Variants in ROBO1 observed in about 807,000 individuals in gnomAD.
The protein encoded by ROBO1 is roundabout guidance receptor 1.
In ROBO1, 149 loss-of-function variants were observed where a neutral mutation model predicts 195.9. The observed-to-expected ratio is 0.76, with a 90% CI of 0.67 to 0.87. The LOEUF (loss-of-function observed/expected upper bound fraction) is 0.87, where lower values mean the gene tolerates loss of function less well. ROBO1 is among the 40% of genes least tolerant of loss of function. The probability of loss-of-function intolerance (pLI) is 0.00; values close to 1 mark genes in which losing one functional copy is unlikely to be tolerated. For missense variants in ROBO1, 1,933 were observed against 2,068.3 expected, an observed-to-expected ratio of 0.93 and a Z score of 1.27; for synonymous variants, 816 against 733.2, an observed-to-expected ratio of 1.11 and a Z score of -1.82.
At chr3:79,650,376 TAATC>T (rs1471613535) in intron 1 of ROBO1, among the ~76,000 whole-genome samples, 4 of 151,754 alleles carry the variant, frequency 2.6e-5, no homozygotes, top group African/African-American at 7.2e-5. Context: ...GAAGAAATGA[TAATC>T]AATTTATAAC....
chr3:79,030,407 T>A (rs540176579), intron 3 of ROBO1, among the ~76,000 whole-genome samples: 1 of 152,316 alleles, frequency 6.6e-6, no homozygotes, highest in African/African-American at 2.4e-5. Context: ...ATGTCAATAG[T>A]ATCTAGACTG....
intron 2 of ROBO1, among the ~76,000 whole-genome samples, chr3:79,550,202 A>AAAGAAAGG (rs61662697): frequency 2.9e-5 from 3 of 103,094 alleles, no homozygotes; most frequent in African/African-American, 1.3e-4. Context: ...AAAGGAAAAG[A>AAAGAAAGG]AAAGAAAAGA....
chr3:79,025,384 T>G (rs2078184305), intron 3 of ROBO1, among the ~76,000 whole-genome samples: 1 of 152,182 alleles, frequency 6.6e-6, no homozygotes, highest in African/African-American at 2.4e-5. Context: ...ATACTATATA[T>G]ATTTTTTATT....
intron 21 of ROBO1, among the ~76,000 whole-genome samples, chr3:78,642,876 G>GA (rs1559686185): frequency 6.6e-6 from 1 of 151,814 alleles, no homozygotes; most frequent in Non-Finnish European, 1.5e-5. Flanking sequence ...TTTATCAGAG[G>GA]AAAAAATACA....
At chr3:79,604,402 T>C (rs993759266) in intron 1 of ROBO1, among the ~76,000 whole-genome samples, 1 of 152,058 alleles carries the variant, frequency 6.6e-6, no homozygotes. Context: ...TGAAATATTA[T>C]GAAGTGAAGT....
intron 2 of ROBO1, among the ~76,000 whole-genome samples, chr3:79,308,242 G>A (rs1267279841): frequency 6.6e-6 from 1 of 152,154 alleles, no homozygotes; most frequent in South Asian, 2.1e-4. Flanking sequence ...AAAGAGCATC[G>A]TACTAAGAAA....
Position 79,075,521 on chromosome 3 carries a change from G to T in ROBO1, c.172+49935C>A, listed in dbSNP as rs6771169. Among the ~76,000 whole-genome samples the T allele has an allele frequency of 5.5e-3, 840 of 152,010 alleles. 3 individuals carry two copies. The highest frequency in any genetic ancestry group is 0.014 in the Middle Eastern group (4 of 292). ...GGTTTTCTGGGGTCACACAAGTAAT[G>T]GTGTTTAGAGTAGGTAGATAAACTT... On this transcript the variant is annotated intron_variant, in intron 3 of 30. Coordinates refer to ENST00000464233, the MANE Select transcript of ROBO1 (RefSeq NM_002941.4).
chr3:79,044,789 T>C (rs1389601670), intron 3 of ROBO1, among the ~76,000 whole-genome samples: 3 of 152,064 alleles, frequency 2.0e-5, no homozygotes, highest in Middle Eastern at 3.2e-3. Context: ...CATTTTCTTT[T>C]TTTAAAAAAA....
intron 2 of ROBO1, among the ~76,000 whole-genome samples, chr3:79,568,590 C>T (rs1943169180): frequency 6.6e-6 from 1 of 150,418 alleles, no homozygotes; most frequent in Non-Finnish European, 1.5e-5. Context: ...TACTTTAGGA[C>T]AGTCTTTCAT....
intron 1 of ROBO1, among the ~76,000 whole-genome samples, chr3:79,744,480 G>A (rs1703784767): frequency 6.6e-6 from 1 of 152,108 alleles, no homozygotes; most frequent in Admixed American, 6.6e-5. Flanking sequence ...ATTAGGTCAT[G>A]GGGATGGAGT....
chr3:78,607,889 G>T (rs1471109478), intron 28 of ROBO1, among the ~76,000 whole-genome samples: 1 of 152,068 alleles, frequency 6.6e-6, no homozygotes, highest in Admixed American at 6.6e-5. Flanking sequence ...ATGGTTCAGT[G>T]TTCTTTATAT....
At chr3:79,445,481 G>GTTTTTTTTTTTTTTTT (rs34514488) in intron 2 of ROBO1, among the ~76,000 whole-genome samples, 1 of 85,718 alleles carries the variant, frequency 1.2e-5, no homozygotes, top group Non-Finnish European at 2.1e-5. Flanking sequence ...TACAGAAATT[G>GTTTTTTTTTTTTTTTT]TTTTTTTTTT....
chr3:79,511,006 CA>C (rs1940674385), intron 2 of ROBO1, among the ~76,000 whole-genome samples: 1 of 152,136 alleles, frequency 6.6e-6, no homozygotes, highest in South Asian at 2.1e-4. Flanking sequence ...CAAATCTGCA[CA>C]TTTTTTTAAT....
intron 2 of ROBO1, among the ~76,000 whole-genome samples, chr3:79,231,028 T>C (rs1024250461): frequency 1.3e-5 from 2 of 152,146 alleles, no homozygotes; most frequent in African/African-American, 4.8e-5. Flanking sequence ...TGCCGAAGAC[T>C]GAAGCTGGAC....
chr3:79,135,448 T>C (rs1185063441), intron 2 of ROBO1, among the ~76,000 whole-genome samples: 1 of 152,154 alleles, frequency 6.6e-6, no homozygotes, highest in Non-Finnish European at 1.5e-5. Context: ...TTGTTGATTG[T>C]TCAATGAAGA....
chr3:79,198,564 A>G (rs988136934), intron 2 of ROBO1, among the ~76,000 whole-genome samples: 17 of 151,986 alleles, frequency 1.1e-4, no homozygotes, highest in African/African-American at 4.1e-4. Context: ...GTTTTTTCCA[A>G]TTCTGTGAAG....
intron 4 of ROBO1, among the ~76,000 whole-genome samples, chr3:78,897,417 C>T (rs1025229751): frequency 2.0e-5 from 3 of 152,166 alleles, no homozygotes; most frequent in East Asian, 1.9e-4. Context: ...GACTTGGAAT[C>T]GCTCTTATAT....
Position 78,958,462 on chromosome 3 carries a change from C to T in ROBO1, c.173-19535G>A, listed in dbSNP as rs141885842. Reference sequence around the variant, plus strand: ...ATGGTTTAAACATCATTTAGAAACACAAATAATTCCAAATTTTGATGTGTT... The same window carrying T: ...ATGGTTTAAACATCATTTAGAAACATAAATAATTCCAAATTTTGATGTGTT... On this transcript the variant is annotated intron_variant, in intron 3 of 30. Transcript: ENST00000464233. 3.1e-3 allele frequency among the ~76,000 whole-genome samples: 471 copies of T among 152,252 alleles called. 3 individuals carry two copies. Among genetic ancestry groups the T allele is most frequent in the African/African-American group, 0.011 (458 of 41,554 alleles).
intron 8 of ROBO1, among the ~76,000 whole-genome samples, chr3:78,700,536 A>T (rs896855632): frequency 6.6e-6 from 1 of 152,172 alleles, no homozygotes; most frequent in Non-Finnish European, 1.5e-5. Flanking sequence ...ATCCTGCATA[A>T]ATTACATAAA....
Sources: allele counts gnomAD v4.1 joint callset (sites outside exome capture counted in the v4.1 genomes callset), GRCh38; gene constraint gnomAD v4.1.1; transcripts MANE v1.5; gene names NCBI Gene and HGNC (gene_info 2026-07-23, HGNC 2026-07-21).